FUT9: variants seen among roughly 807,000 people sequenced by gnomAD.
The protein encoded by FUT9 is 4-galactosyl-N-acetylglucosaminide 3-alpha-L-fucosyltransferase 9.
Under a neutral mutation model 29.7 loss-of-function variants are expected in FUT9, and 15 were observed. The observed-to-expected ratio is 0.51, with a 90% CI of 0.34 to 0.78. The LOEUF is 0.78. FUT9 is among the 30% of genes least tolerant of loss of function. FUT9 has a pLI of 0.01. For synonymous variants in FUT9, 169 were observed against 153.7 expected (o/e 1.10, Z -0.74); for missense variants, 319 against 425.4 (o/e 0.75, Z 2.20).
intron 1 of FUT9, among the ~76,000 whole-genome samples, chr6:96,102,494 G>A (rs1444120577): frequency 6.6e-6 from 1 of 152,014 alleles, no homozygotes. Context: ...AAATTTTCAT[G>A]TCAGGTGCTT....
intron 2 of FUT9, among the ~76,000 whole-genome samples, chr6:96,152,009 C>T (rs1582269981): frequency 6.6e-6 from 1 of 152,136 alleles, no homozygotes; most frequent in Non-Finnish European, 1.5e-5. Flanking sequence ...CACAGGTCCA[C>T]CTGATGCCAG....
chr6:96,173,407 C>T (rs1773148153), intron 2 of FUT9, among the ~76,000 whole-genome samples: 1 of 152,114 alleles, frequency 6.6e-6, no homozygotes, highest in African/African-American at 2.4e-5. Context: ...TGCTGTTCAA[C>T]AGCAATTTGA....
intron 2 of FUT9, among the ~76,000 whole-genome samples, chr6:96,190,256 G>T (rs1396695878): frequency 6.6e-6 from 1 of 152,162 alleles, no homozygotes; most frequent in East Asian, 1.9e-4. Flanking sequence ...CTGGCTTGTA[G>T]AGTTTCTGCC....
At chr6:96,192,175 T>A (rs1013154769) in intron 2 of FUT9, among the ~76,000 whole-genome samples, 1 of 152,106 alleles carries the variant, frequency 6.6e-6, no homozygotes, top group East Asian at 1.9e-4. Flanking sequence ...CCACTCCTAT[T>A]CAACATAGTG....
chr6:96,019,659 T>C (rs1166927226), intron 1 of FUT9, among the ~76,000 whole-genome samples: 1 of 152,080 alleles, frequency 6.6e-6, no homozygotes, highest in Non-Finnish European at 1.5e-5. Context: ...TAATGTACAA[T>C]TAAAATTCCT....
At chr6:96,116,707 A>G (rs1229164577) in intron 2 of FUT9, among the ~76,000 whole-genome samples, 1 of 152,242 alleles carries the variant, frequency 6.6e-6, no homozygotes, top group Non-Finnish European at 1.5e-5. Context: ...TTTAAGATAT[A>G]TAATTCAATG....
In FUT9 at chr6:96,018,574, C is replaced by A. The variant is rs1364776873; in HGVS notation, c.-98+2362C>A. 3.3e-5 allele frequency among the ~76,000 whole-genome samples: 5 copies of A among 152,126 alleles called. No homozygotes were observed. In the East Asian group the frequency reaches 9.7e-4, roughly 29 times the overall value. ...GCACACCAATATTGGAATGGCATAT[C>A]TTTGAGTACCATTGAACTGTATCTT... On this transcript the variant is annotated intron_variant, in intron 1 of 2. Coordinates refer to ENST00000302103, the MANE Select transcript of FUT9 (RefSeq NM_006581.4).
At chr6:96,021,581 G>C (rs918192532) in intron 1 of FUT9, among the ~76,000 whole-genome samples, 18 of 152,004 alleles carry the variant, frequency 1.2e-4, no homozygotes, top group African/African-American at 4.1e-4. Flanking sequence ...TAGTAAGTTA[G>C]ACAACCTTAA....
At chr6:96,171,503 T>C (rs187990568) in intron 2 of FUT9, among the ~76,000 whole-genome samples, 3 of 152,132 alleles carry the variant, frequency 2.0e-5, no homozygotes, top group East Asian at 3.9e-4. Flanking sequence ...TGGGACACAA[T>C]AGTTGTCTGA....
chr6:96,131,459 C>T (rs1193086309), intron 2 of FUT9, among the ~76,000 whole-genome samples: 2 of 152,172 alleles, frequency 1.3e-5, no homozygotes, highest in African/African-American at 2.4e-5. Context: ...CACATACACA[C>T]GAACACACAC....
At chr6:96,146,648 G>C (rs1772572609) in intron 2 of FUT9, among the ~76,000 whole-genome samples, 1 of 152,176 alleles carries the variant, frequency 6.6e-6, no homozygotes, top group South Asian at 2.1e-4. Flanking sequence ...GTCACAGAAA[G>C]AAGGCAAAGG....
intron 2 of FUT9, among the ~76,000 whole-genome samples, chr6:96,197,887 C>T (rs961165466): frequency 6.6e-6 from 1 of 152,078 alleles, no homozygotes; most frequent in Admixed American, 6.6e-5. Context: ...TAGCATGCTC[C>T]TGTTTCTTTC....
At chr6:96,020,435 A>G (rs891876392) in intron 1 of FUT9, among the ~76,000 whole-genome samples, 3 of 152,092 alleles carry the variant, frequency 2.0e-5, no homozygotes, top group African/African-American at 7.2e-5. Flanking sequence ...TTTTACCTCC[A>G]TAGACTGTGA....
intron 1 of FUT9, among the ~76,000 whole-genome samples, chr6:96,045,885 G>C (rs547238652): frequency 8.5e-5 from 13 of 152,174 alleles, no homozygotes; most frequent in Non-Finnish European, 1.8e-4. Flanking sequence ...TGGGTGCCTC[G>C]AGGAGGAGGA....
At position 96,136,496 on chromosome 6, in the gene FUT9, G is replaced by A. The variant is rs544943205; in HGVS notation, c.-9+22369G>A. ...AGATATAAACAGCATCATCCTTCTT[G>A]CAGTTATGAGCTAATTTATGCTTAT... On this transcript the variant is annotated intron_variant, in intron 2 of 2. Coordinates refer to ENST00000302103, the MANE Select transcript of FUT9 (RefSeq NM_006581.4). 7.9e-5 allele frequency among the ~76,000 whole-genome samples: 12 copies of A among 151,942 alleles called. No homozygotes were observed. In the South Asian group the frequency reaches 2.3e-3, roughly 29 times the overall value.
At chr6:96,195,144 C>A (rs144050217) in intron 2 of FUT9, among the ~76,000 whole-genome samples, 83 of 152,244 alleles carry the variant, frequency 5.5e-4, no homozygotes, top group African/African-American at 1.8e-3. Flanking sequence ...CGGTAGTTGG[C>A]AGCTCTCTTG....
intron 1 of FUT9, among the ~76,000 whole-genome samples, chr6:96,070,698 A>C (rs1220126550): frequency 6.6e-6 from 1 of 152,126 alleles, no homozygotes; most frequent in Non-Finnish European, 1.5e-5. Context: ...AAAAAAAATT[A>C]ATTAATTAAT....
intron 1 of FUT9, among the ~76,000 whole-genome samples, chr6:96,113,427 C>A (rs150462921): frequency 0.04 from 6,140 of 151,726 alleles, 175 homozygotes; most frequent in South Asian, 0.12. Context: ...TTAGTAGAGA[C>A]GGGGTTTCAC....
intron 1 of FUT9, among the ~76,000 whole-genome samples, chr6:96,082,273 C>G (rs1771249737): frequency 6.6e-6 from 1 of 151,670 alleles, no homozygotes; most frequent in Non-Finnish European, 1.5e-5. Context: ...TCCTCTAAAG[C>G]TTTTAAAATT....
Sources: allele counts gnomAD v4.1 joint callset (sites outside exome capture counted in the v4.1 genomes callset), GRCh38; gene constraint gnomAD v4.1.1; transcripts MANE v1.5; gene names NCBI Gene and HGNC (gene_info 2026-07-23, HGNC 2026-07-21).